CDH12: variants seen among roughly 807,000 people sequenced by gnomAD.
CDH12 encodes cadherin-12.
CDH12 carries 41 observed loss-of-function variants against 74.1 expected under a neutral mutation model. The observed-to-expected ratio is 0.55, with a 90% CI of 0.43 to 0.72. CDH12 has a LOEUF of 0.72. CDH12 is among the 30% of genes least tolerant of loss of function. CDH12 has a pLI of 0.00. For synonymous variants in CDH12, 399 were observed against 355.0 expected (o/e 1.12, Z -1.39); for missense variants, 945 against 977.2 (o/e 0.97, Z 0.44).
rs1744851843 is a variant in CDH12 at position 22,112,148 on chromosome 5, A to G, written c.-186-33286T>C. On this transcript the variant is annotated intron_variant, in intron 4 of 14. Coordinates refer to ENST00000382254, the MANE Select transcript of CDH12 (RefSeq NM_004061.5). ...ATAAAAGTATATAGCAAATCAAAATATTTTGTAATTGAAAAAAAACACTTC... is the reference window on the plus strand; with the variant it reads ...ATAAAAGTATATAGCAAATCAAAATGTTTTGTAATTGAAAAAAAACACTTC... 3.9e-5 allele frequency among the ~76,000 whole-genome samples: 6 copies of G among 152,162 alleles called. No individual in the cohort carries two copies. In the South Asian group the frequency reaches 1.2e-3, roughly 32 times the overall value.
chr5:21,816,897 C>A (rs1212666986), intron 9 of CDH12, 48 bp downstream of exon 9: 2 of 1,177,890 alleles, frequency 1.7e-6, no homozygotes, highest in Non-Finnish European at 2.4e-6. Context: ...TTTTTATCTT[C>A]TTTAATTATT....
Position 22,437,513 on chromosome 5 carries a change from T to A in CDH12, c.-427-32162A>T, listed in dbSNP as rs186746077. ...TACATTAAAATATAATAGCGGAAAA[T>A]TTCAAAGCAGACTGTAGCCAAGTCA... On this transcript the variant is annotated intron_variant, in intron 2 of 14. Coordinates refer to ENST00000382254, the MANE Select transcript of CDH12 (RefSeq NM_004061.5). 1.1e-3 allele frequency among the ~76,000 whole-genome samples: 158 copies of A among 149,614 alleles called. 3 individuals are homozygous for A. The highest frequency in any genetic ancestry group is 0.01 in the Admixed American group (150 of 14,878).
intron 1 of CDH12, among the ~76,000 whole-genome samples, chr5:22,549,808 G>A (rs1738488554): frequency 1.3e-5 from 2 of 152,112 alleles, no homozygotes; most frequent in South Asian, 4.1e-4. Flanking sequence ...TTTTACAGAA[G>A]AGCAAACAGC....
chr5:22,002,157 T>A (rs2963639), intron 5 of CDH12, among the ~76,000 whole-genome samples: 52 of 149,640 alleles, frequency 3.5e-4, no homozygotes, highest in East Asian at 7.9e-4. Flanking sequence ...GTCAGTAAAT[T>A]TAAAATGAAA....
chr5:22,202,775 T>G (rs1227755792), intron 4 of CDH12, among the ~76,000 whole-genome samples: 1 of 152,192 alleles, frequency 6.6e-6, no homozygotes, highest in Non-Finnish European at 1.5e-5. Flanking sequence ...CACCTATGGA[T>G]TTATAACTTT....
chr5:22,171,004 G>A, intron 4 of CDH12, among the ~76,000 whole-genome samples: 1 of 151,768 alleles, frequency 6.6e-6, no homozygotes, highest in East Asian at 1.9e-4. Flanking sequence ...GCTGTCAGAG[G>A]TCCACAAATA....
At chr5:22,678,047 G>GGA (rs1463689154) in intron 1 of CDH12, among the ~76,000 whole-genome samples, 1 of 109,898 alleles carries the variant, frequency 9.1e-6, no homozygotes, top group Non-Finnish European at 2.1e-5. Context: ...ATCCTCATGG[G>GGA]GGGGGGGGTT....
intron 6 of CDH12, among the ~76,000 whole-genome samples, chr5:21,876,219 A>G (rs1751932584): frequency 6.6e-6 from 1 of 152,064 alleles, no homozygotes; most frequent in South Asian, 2.1e-4. Flanking sequence ...AATGGTTGAG[A>G]CAAATCTCTT....
intron 6 of CDH12, among the ~76,000 whole-genome samples, chr5:21,867,804 T>A (rs1271552685): frequency 3.3e-5 from 5 of 152,200 alleles, no homozygotes; most frequent in Admixed American, 6.5e-5. Context: ...TTTGGGGGAC[T>A]GTTGGGAAAG....
chr5:22,597,941 G>C (rs1445956573), intron 1 of CDH12, among the ~76,000 whole-genome samples: 1 of 152,084 alleles, frequency 6.6e-6, no homozygotes, highest in East Asian at 1.9e-4. Flanking sequence ...CAAAGATATA[G>C]GTAATATTTG....
At position 22,255,764 on chromosome 5, in the gene CDH12, A is replaced by T. The variant is rs1370375767; in HGVS notation, c.-332-43121T>A. On this transcript the variant is annotated intron_variant, in intron 3 of 14. Transcript: ENST00000382254. ...AATAACTGATCTAGAACAAGGAAAA[A>T]ATAAAATACTAAAATTAAGTTTTTT... Among the ~76,000 whole-genome samples, 3 of 152,066 alleles carry T rather than the reference A, an allele frequency of 2.0e-5. No individual in the cohort carries two copies. The East Asian group carries it at 5.8e-4, about 29-fold the overall frequency.
At chr5:22,840,152 G>A (rs369226720) in intron 1 of CDH12, among the ~76,000 whole-genome samples, 3 of 151,904 alleles carry the variant, frequency 2.0e-5, no homozygotes, top group Admixed American at 6.6e-5. Context: ...AGACAGTCTC[G>A]CTTTATCACC....
chr5:22,014,631 T>G, intron 5 of CDH12, among the ~76,000 whole-genome samples: 1 of 152,118 alleles, frequency 6.6e-6, no homozygotes, highest in Non-Finnish European at 1.5e-5. Flanking sequence ...AATGACAGAA[T>G]GCAATAGAGT....
chr5:22,529,171 A>ATATATATATATATATACATGTG (rs1737446845), intron 1 of CDH12, among the ~76,000 whole-genome samples: 1 of 53,530 alleles, frequency 1.9e-5, no homozygotes, highest in African/African-American at 6.3e-5. Flanking sequence ...ATGTGTATAT[A>ATATATATATATATATACATGTG]TATATATATA....
At chr5:22,270,829 G>A (rs1434183570) in intron 3 of CDH12, among the ~76,000 whole-genome samples, 4 of 151,590 alleles carry the variant, frequency 2.6e-5, no homozygotes, top group African/African-American at 7.3e-5. Flanking sequence ...CTGCTACTAC[G>A]AAGCCCAGCT....
At chr5:22,643,729 G>A (rs1435400573) in intron 1 of CDH12, among the ~76,000 whole-genome samples, 1 of 105,406 alleles carries the variant, frequency 9.5e-6, no homozygotes, top group Non-Finnish European at 1.9e-5. Context: ...GGATTTTAAG[G>A]TATCTTTTTT....
intron 1 of CDH12, among the ~76,000 whole-genome samples, chr5:22,684,738 C>T (rs1047627813): frequency 1.9e-4 from 29 of 152,154 alleles, no homozygotes; most frequent in African/African-American, 5.8e-4. Context: ...CTTGCAACAT[C>T]GTTGTATACT....
intron 4 of CDH12, among the ~76,000 whole-genome samples, chr5:22,127,493 A>G (rs1246504755): frequency 1.8e-4 from 21 of 117,662 alleles, no homozygotes; most frequent in South Asian, 2.6e-4. Flanking sequence ...AAAAAAAAAA[A>G]AGAGAAAAGT....
At chr5:22,488,325 C>T (rs1044039083) in intron 2 of CDH12, among the ~76,000 whole-genome samples, 102 of 152,166 alleles carry the variant, frequency 6.7e-4, no homozygotes, top group African/African-American at 2.3e-3. Flanking sequence ...TATTTTTTTC[C>T]GTGGGTGTCA....
Sources: allele counts gnomAD v4.1 joint callset (sites outside exome capture counted in the v4.1 genomes callset), GRCh38; gene constraint gnomAD v4.1.1; transcripts MANE v1.5; gene names NCBI Gene and HGNC (gene_info 2026-07-23, HGNC 2026-07-21).